The following MFSD12 variants were observed in gnomAD, a reference collection of about 807,000 sequenced individuals.
The protein encoded by MFSD12 is major facilitator superfamily domain containing 12.
A neutral mutation model predicts 51.2 loss-of-function variants in MFSD12; 67 were observed. The ratio of observed to expected loss-of-function variants is 1.31; its 90% confidence interval spans 1.08 to 1.60. The LOEUF is 1.60. MFSD12 is among the 40% of genes most tolerant of loss of function. MFSD12 has a pLI of 0.00. For synonymous variants in MFSD12, 441 were observed against 316.7 expected, an observed-to-expected ratio of 1.39 and a Z score of -4.17; for missense variants, 921 against 673.0, an observed-to-expected ratio of 1.37 and a Z score of -4.08.
At chr19:3,544,105 C>T (rs2030721946), downstream of MFSD12, 6 of 1,426,040 alleles carry the variant, frequency 4.2e-6, no homozygotes, top group Non-Finnish European at 4.6e-6. Context: ...CAGAGGCAGA[C>T]ACTGGGCTCG....
Position 3,551,118 on chromosome 19 carries a change from C to G in MFSD12, c.375G>C (p.Trp125Cys), listed in dbSNP as rs1487234223. The G allele has an allele frequency of 1.9e-6, 3 of 1,613,100 alleles. No individual in the cohort carries two copies. Among genetic ancestry groups the G allele is most frequent in the Non-Finnish European group, 2.5e-6 (3 of 1,179,986 alleles). ...CLGCGAATPE[W>C]AALLYYGPFI... ...ACGGGCCGTAGTAGAGGAGGGCAGC[C>G]CACTCGGGCGTGGCCGCCCCACAGC... Residue 125 changes from tryptophan (W) to cysteine (C), a missense_variant, in exon 2 of 10, where the codon TGG becomes TGC. Trp to Cys is a radical substitution (Grantham distance 215, BLOSUM62 -2). Transcript: ENST00000355415. The surrounding 1 kb of genome is among the most constrained non-coding windows in gnomAD (Gnocchi z 4.6).
Position 3,544,539 on chromosome 19 carries a change from G to A in MFSD12, c.*171C>T. 7.1e-7 allele frequency: 1 copy of A among 1,411,210 alleles called. No homozygotes were observed. Among genetic ancestry groups the A allele is most frequent in the Non-Finnish European group, 9.2e-7 (1 of 1,085,388 alleles). The allele number at this position is 1,411,210 out of a possible 1,614,324, so 87.4% of individuals were successfully genotyped here. On this transcript the variant is annotated 3_prime_UTR_variant, in exon 10 of 10. Transcript: ENST00000355415. ...CCCAGGGGGTCCTTGCAAGTCCCTG[G>A]CGGGCATCCCTGCTGCCCTCACCCG...
At chr19:3,545,969 G>A (rs2030985247) in intron 8 of MFSD12, 105 bp downstream of exon 8, 3 of 1,189,348 alleles carry the variant, frequency 2.5e-6, no homozygotes, top group Non-Finnish European at 3.7e-6. Context: ...AGGTGTCTTT[G>A]GTCCACAGCT....
chr19:3,549,372 G>A lies in MFSD12; in HGVS notation c.510-1105C>T, dbSNP rs528074908. ...GCTAAGTGGCATTCTATAGCAGAGG[G>A]AAAGGGACTTCGCAGTGTGTTATAA... On this transcript the variant is annotated intron_variant, in intron 2 of 9. Coordinates refer to ENST00000355415, the MANE Select transcript of MFSD12 (RefSeq NM_174983.5). Among the ~76,000 whole-genome samples the A allele has an allele frequency of 3.9e-5, 6 of 152,322 alleles. No individual in the cohort carries two copies. The East Asian group carries it at 9.6e-4, about 24-fold the overall frequency.
chr19:3,543,055 C>T (rs2030561527), downstream of MFSD12: 1 of 1,601,486 alleles, frequency 6.2e-7, no homozygotes, highest in Non-Finnish European at 8.5e-7. Flanking sequence ...AGCCTCTCTC[C>T]TCAAGCACCC....
chr19:3,548,763 G>A (rs2031279101), intron 2 of MFSD12, among the ~76,000 whole-genome samples: 2 of 152,202 alleles, frequency 1.3e-5, no homozygotes, highest in Admixed American at 6.5e-5. Context: ...CAGAGGCCAC[G>A]TGAGCACAGC....
intron 2 of MFSD12, among the ~76,000 whole-genome samples, chr19:3,549,503 C>A (rs1599833799): frequency 6.6e-6 from 1 of 152,032 alleles, no homozygotes; most frequent in South Asian, 2.1e-4. Context: ...GCAGGCAGAT[C>A]ACTGAGGTCA....
chr19:3,547,029 G>A (rs909703187), intron 6 of MFSD12, among the ~76,000 whole-genome samples: 5 of 152,128 alleles, frequency 3.3e-5, no homozygotes, highest in Admixed American at 1.3e-4. Context: ...TAGTAGAGAC[G>A]GGGTTTCACC....
intron 3 of MFSD12, 24 bp downstream of exon 3, chr19:3,548,099 C>T (rs752710252): frequency 4.4e-5 from 70 of 1,603,246 alleles, no homozygotes; most frequent in East Asian, 1.1e-4. Flanking sequence ...GGACTTCAGG[C>T]GACCCACCCG....
intron 1 of MFSD12, among the ~76,000 whole-genome samples, chr19:3,555,992 T>G (rs1278590020): frequency 6.6e-6 from 1 of 152,080 alleles, no homozygotes; most frequent in Non-Finnish European, 1.5e-5. Flanking sequence ...CCTCCTGCCC[T>G]CCCAACAGCC....
At chr19:3,555,567 G>C (rs2031689342) in intron 1 of MFSD12, among the ~76,000 whole-genome samples, 1 of 152,180 alleles carries the variant, frequency 6.6e-6, no homozygotes, top group African/African-American at 2.4e-5. Context: ...CCCAGGAATA[G>C]CCTGGACATA....
At chr19:3,550,306 T>C (rs1321178831) in intron 2 of MFSD12, among the ~76,000 whole-genome samples, 1 of 152,050 alleles carries the variant, frequency 6.6e-6, no homozygotes, top group East Asian at 1.9e-4. Context: ...CGCAGCACTT[T>C]GGGAGGCCAA....
At position 3,557,373 on chromosome 19, in the gene MFSD12, C is replaced by A; in HGVS notation, c.31G>T (p.Ala11Ser). The A allele has an allele frequency of 6.8e-7, 1 of 1,464,460 alleles. No homozygotes were observed. The highest frequency in any genetic ancestry group is 9.1e-7 in the Non-Finnish European group (1 of 1,104,398). 90.7% of individuals were successfully genotyped at this position (1,464,460 alleles called of 1,614,324 possible). Residue 11 changes from alanine (A) to serine (S), a missense_variant, in exon 1 of 10, where the codon GCG becomes TCG. Transcript: ENST00000355415. ...AGGGACAGCGGCCGCGGGGACGGCG[C>A]CGCTCCGGCCGCTGGGGGTCCCGGG... Reference protein sequence around the residue: MGPGPPAAGAAPSPRPLSLVA... With the variant: MGPGPPAAGASPSPRPLSLVA...
downstream of MFSD12, among the ~76,000 whole-genome samples, chr19:3,541,273 C>G (rs1037907692): frequency 1.3e-5 from 2 of 151,032 alleles, no homozygotes. Flanking sequence ...GAGGTCAAGG[C>G]TGCAGTGAGC....
chr19:3,544,812 G>A lies in MFSD12; in HGVS notation c.1417C>T (p.Arg473Cys), dbSNP rs201054670. Residue 473 changes from arginine to cysteine, a missense_variant, in exon 9 of 10, where the codon CGC (arginine) becomes TGC (cysteine). Transcript: ENST00000355415. ...GGAGGGGTGGGCCAGGACTCACAGC[G>A]TCGCAGGCGGGTCGGCCACAGCAGG... is the stretch of plus-strand genomic sequence containing the variant. ...SLLLWPTRLR[R>C]WDRDARP is the part of the protein sequence containing the mutation. 4.6e-4 allele frequency: 748 copies of A among 1,612,330 alleles called. 1 individual carries two copies. The highest frequency in any genetic ancestry group is 1.2e-3 in the South Asian group (106 of 90,964).
Position 3,557,343 on chromosome 19 carries a change from C to T in MFSD12, c.61G>A (p.Ala21Thr). 6.5e-7 allele frequency: 1 copy of T among 1,540,030 alleles called. No homozygotes were observed. Among genetic ancestry groups the T allele is most frequent in the Non-Finnish European group, 8.7e-7 (1 of 1,146,030 alleles). ...TGGCCCACGGCGTAGCTCAGCCGCGCCACCAGGGACAGCGGCCGCGGGGAC... is the reference window on the plus strand; with the variant it reads ...TGGCCCACGGCGTAGCTCAGCCGCGTCACCAGGGACAGCGGCCGCGGGGAC... ...APSPRPLSLV[A>T]RLSYAVGHFL... is the part of the protein sequence containing the mutation. The change falls in exon 1 of 10, where the codon GCG (alanine) becomes ACG (threonine). Residue 21 changes from alanine to threonine, a missense_variant. Transcript: ENST00000355415.
chr19:3,545,727 A>C (rs1405941042), intron 8 of MFSD12, among the ~76,000 whole-genome samples: 1 of 152,170 alleles, frequency 6.6e-6, no homozygotes, highest in Non-Finnish European at 1.5e-5. Context: ...GGGCCTCTAC[A>C]GGCGTGAATG....
chr19:3,539,355 G>A (rs771277321), downstream of MFSD12: 10 of 712,994 alleles, frequency 1.4e-5, no homozygotes, highest in Admixed American at 7.3e-5. Context: ...GGTCTTGCAC[G>A]TGTCACTCGT....
chr19:3,543,455 G>T, downstream of MFSD12: 1 of 1,543,412 alleles, frequency 6.5e-7, no homozygotes, highest in Non-Finnish European at 8.7e-7. Flanking sequence ...CCAACACCGT[G>T]AGTGCAGCAT....
Sources: allele counts gnomAD v4.1 joint callset (sites outside exome capture counted in the v4.1 genomes callset), GRCh38; gene constraint gnomAD v4.1.1; non-coding constraint Gnocchi (gnomAD v3.1); transcripts MANE v1.5; gene names NCBI Gene and HGNC (gene_info 2026-07-23, HGNC 2026-07-21).